SLC8A1: variants seen among roughly 807,000 people sequenced by gnomAD.
SLC8A1 encodes the protein solute carrier family 8 member A1.
In SLC8A1, 18 loss-of-function variants were observed where a neutral mutation model predicts 68.3. That is an observed-to-expected ratio of 0.26 (90% CI 0.18 to 0.39). The LOEUF is 0.39. Among genes scored for constraint, SLC8A1 ranks in the 10% least tolerant of loss-of-function variants. The pLI is 1.00. For synonymous variants in SLC8A1, 475 were observed against 415.5 expected (o/e 1.14, Z -1.74); for missense variants, 985 against 1,156.7 (o/e 0.85, Z 2.15).
intron 2 of SLC8A1, among the ~76,000 whole-genome samples, chr2:40,273,551 C>T (rs2066317506): frequency 6.6e-6 from 1 of 152,198 alleles, no homozygotes; most frequent in Non-Finnish European, 1.5e-5. Context: ...ATTTGAAGGA[C>T]AACCAGTATG....
chr2:40,155,753 C>G (rs1205234229), intron 6 of SLC8A1, among the ~76,000 whole-genome samples: 1 of 152,154 alleles, frequency 6.6e-6, no homozygotes, highest in Non-Finnish European at 1.5e-5. Flanking sequence ...ATGACAGAAG[C>G]GTCCTTTAAA....
At chr2:40,477,630 C>T (rs1704370945) in intron 1 of SLC8A1, among the ~76,000 whole-genome samples, 1 of 152,104 alleles carries the variant, frequency 6.6e-6, no homozygotes. Context: ...CATTTTTCTC[C>T]ACTTTGTACA....
chr2:40,354,588 A>G (rs1466337773), intron 2 of SLC8A1, among the ~76,000 whole-genome samples: 3 of 152,208 alleles, frequency 2.0e-5, no homozygotes, highest in Non-Finnish European at 2.9e-5. Context: ...GTGACTCTAC[A>G]GAGCACAGTA....
At chr2:40,185,961 G>GTGTC (rs1258631101) in intron 2 of SLC8A1, among the ~76,000 whole-genome samples, 1 of 152,112 alleles carries the variant, frequency 6.6e-6, no homozygotes, top group Non-Finnish European at 1.5e-5. Flanking sequence ...CGCCACTGCT[G>GTGTC]TGTCTGTCTG....
At chr2:40,341,866 T>G (rs2149410431) in intron 2 of SLC8A1, among the ~76,000 whole-genome samples, 1 of 152,310 alleles carries the variant, frequency 6.6e-6, no homozygotes, top group Middle Eastern at 3.4e-3. Flanking sequence ...ATTCTTGTAC[T>G]TGAAGTAGAT....
chr2:40,321,975 CT>C (rs1213734949), intron 2 of SLC8A1, among the ~76,000 whole-genome samples: 1 of 152,142 alleles, frequency 6.6e-6, no homozygotes, highest in Non-Finnish European at 1.5e-5. Flanking sequence ...CATTAGTCAA[CT>C]TAGGGTATGC....
exon 8 of SLC8A1, chr2:40,100,004 A>G (rs1288832096): frequency 6.6e-6 from 1 of 152,124 alleles, no homozygotes; most frequent in African/African-American, 2.4e-5. Flanking sequence ...TACTGTCTGT[A>G]AAAATTAATA....
rs1486590191 is a variant in SLC8A1, at chr2:40,105,281, G to C, written c.*9972C>G. 3 of 152,156 alleles carry C rather than the reference G, an allele frequency of 2.0e-5. No homozygotes were observed. In the East Asian group the frequency reaches 5.8e-4, roughly 29 times the overall value. The allele number at this position is 152,156 out of a possible 1,614,324, so 9.4% of individuals were successfully genotyped here. ...CCTCTGTAACCCAGCAGCCTCTGCAGAATCATCCTTTCTTCATTGTTTTAA... is the reference window on the plus strand; with the variant it reads ...CCTCTGTAACCCAGCAGCCTCTGCACAATCATCCTTTCTTCATTGTTTTAA... On this transcript the variant is annotated 3_prime_UTR_variant, in exon 8 of 8. Coordinates refer to ENST00000406785, the Ensembl canonical transcript of SLC8A1.
Position 40,382,014 on chromosome 2 carries a change from T to C in SLC8A1, c.1808+46459A>G, listed in dbSNP as rs145920859. Among the ~76,000 whole-genome samples the C allele has an allele frequency of 2.5e-3, 381 of 152,212 alleles. 2 individuals are homozygous for C. Among genetic ancestry groups the C allele is most frequent in the African/African-American group, 8.7e-3 (360 of 41,544 alleles). ...CTCGGCTGCAGCACCCAATAAAGCCTTCTTCCCTGACAATAATCATTGTTT... is the reference window on the plus strand; with the variant it reads ...CTCGGCTGCAGCACCCAATAAAGCCCTCTTCCCTGACAATAATCATTGTTT... On this transcript the variant is annotated intron_variant, in intron 2 of 7. Transcript: ENST00000406785.
intron 1 of SLC8A1, among the ~76,000 whole-genome samples, chr2:40,450,300 T>C (rs1702195755): frequency 6.6e-6 from 1 of 152,178 alleles, no homozygotes; most frequent in Non-Finnish European, 1.5e-5. Flanking sequence ...TTTCCTTTTT[T>C]TTTCTGACTC....
intron 2 of SLC8A1, among the ~76,000 whole-genome samples, chr2:40,394,445 G>T (rs946321120): frequency 2.6e-5 from 4 of 151,656 alleles, no homozygotes; most frequent in Non-Finnish European, 4.4e-5. Flanking sequence ...TTCTGTTAGT[G>T]TGTGTGTGTG....
chr2:40,253,423 T>C (rs112913827), intron 2 of SLC8A1, among the ~76,000 whole-genome samples: 5 of 152,100 alleles, frequency 3.3e-5, no homozygotes, highest in South Asian at 2.1e-4. Context: ...GGAGGACATA[T>C]GCTAATTTGA....
At chr2:40,426,437 A>T (rs1456084815) in intron 2 of SLC8A1, among the ~76,000 whole-genome samples, 1 of 152,054 alleles carries the variant, frequency 6.6e-6, no homozygotes, top group Non-Finnish European at 1.5e-5. Context: ...ATTGCATAGG[A>T]TGAATGTTTT....
exon 8 of SLC8A1, chr2:40,112,129 T>C (rs1476275894): frequency 6.5e-6 from 1 of 152,678 alleles, no homozygotes; most frequent in Non-Finnish European, 1.5e-5. Flanking sequence ...TGGATGATGA[T>C]ACCAGTTGCA....
rs373478804 is a variant in SLC8A1 at position 40,394,478 on chromosome 2, G to C, written c.1808+33995C>G. 3.9e-5 allele frequency among the ~76,000 whole-genome samples: 6 copies of C among 151,902 alleles called. No individual in the cohort carries two copies. In the East Asian group the frequency reaches 5.8e-4, roughly 15 times the overall value. On this transcript the variant is annotated intron_variant, in intron 2 of 7. Transcript: ENST00000406785. ...GTGCGTGTGTGTGTGGTGTGTGAGT[G>C]AATTTCTGAAACAGAGCGGTAGCAA...
chr2:40,179,577 GT>G (rs2049067843), intron 2 of SLC8A1, among the ~76,000 whole-genome samples: 1 of 152,170 alleles, frequency 6.6e-6, no homozygotes, highest in South Asian at 2.1e-4. Context: ...TTGAAAAAAT[GT>G]TTCCAGTAAC....
At position 40,470,877 on chromosome 2, in the gene SLC8A1, A is replaced by G. The variant is rs1003583232; in HGVS notation, c.-24-40573T>C. On this transcript the variant is annotated intron_variant, in intron 1 of 7. Transcript: ENST00000402441. ...GTTTAATTGCCAAATTAAACTATCAATTTTCAATGTGGAAATAAAAAAAGA... is the reference window on the plus strand; with the variant it reads ...GTTTAATTGCCAAATTAAACTATCAGTTTTCAATGTGGAAATAAAAAAAGA... 2.0e-4 allele frequency among the ~76,000 whole-genome samples: 30 copies of G among 152,252 alleles called. 1 individual carries two copies. Among genetic ancestry groups the G allele is most frequent in the South Asian group, 1.7e-3 (8 of 4,824 alleles).
At chr2:40,276,527 C>T (rs1338842329) in intron 2 of SLC8A1, among the ~76,000 whole-genome samples, 2 of 152,166 alleles carry the variant, frequency 1.3e-5, no homozygotes, top group African/African-American at 4.8e-5. Context: ...ATTCCTTCTT[C>T]ATGGAAACTA....
chr2:40,250,701 T>A (rs1338675126), intron 2 of SLC8A1, among the ~76,000 whole-genome samples: 2 of 152,140 alleles, frequency 1.3e-5, no homozygotes, highest in Non-Finnish European at 1.5e-5. Context: ...AGGATGTGAG[T>A]CTCTCAATAA....
Sources: allele counts gnomAD v4.1 joint callset (sites outside exome capture counted in the v4.1 genomes callset), GRCh38; gene constraint gnomAD v4.1.1; transcripts MANE v1.5; gene names NCBI Gene and HGNC (gene_info 2026-07-23, HGNC 2026-07-21).